The following RNF150 variants were observed in gnomAD, a reference collection of about 807,000 sequenced individuals.
The protein encoded by RNF150 is ring finger protein 150.
RNF150 carries 24 observed loss-of-function variants against 39.3 expected under a neutral mutation model. The ratio of observed to expected loss-of-function variants is 0.61; its 90% CI spans 0.44 to 0.86. The LOEUF is 0.86. Among genes scored for constraint, RNF150 ranks in the 40% least tolerant of loss-of-function variants. The pLI is 0.00. For missense variants in RNF150, 502 were observed against 587.8 expected (o/e 0.85, Z 1.51); for synonymous variants, 255 against 227.3 (o/e 1.12, Z -1.10).
chr4:140,896,694 A>AAG (rs1364473322), intron 6 of RNF150, among the ~76,000 whole-genome samples: 1 of 97,700 alleles, frequency 1.0e-5, no homozygotes. Flanking sequence ...TAATAAAAAA[A>AAG]AAAAAACAAA....
At chr4:140,983,184 C>A (rs1733914196) in intron 1 of RNF150, among the ~76,000 whole-genome samples, 2 of 152,164 alleles carry the variant, frequency 1.3e-5, no homozygotes, top group African/African-American at 2.4e-5. Context: ...GACAGATCCA[C>A]TCAGTACATA....
At chr4:141,106,274 T>C (rs1739192873) in intron 1 of RNF150, among the ~76,000 whole-genome samples, 1 of 152,204 alleles carries the variant, frequency 6.6e-6, no homozygotes, top group Admixed American at 6.5e-5. Context: ...ATTATAACCT[T>C]ATTGAAGAAA....
chr4:141,046,874 A>C (rs964878419), intron 1 of RNF150, among the ~76,000 whole-genome samples: 1 of 152,134 alleles, frequency 6.6e-6, no homozygotes, highest in Non-Finnish European at 1.5e-5. Flanking sequence ...CCTTCTTTGC[A>C]AGTACATTTT....
intron 1 of RNF150, among the ~76,000 whole-genome samples, chr4:141,118,050 G>A (rs1726484872): frequency 6.6e-6 from 1 of 152,158 alleles, no homozygotes; most frequent in South Asian, 2.1e-4. Flanking sequence ...CCCTCACAGT[G>A]GCTGCTGACA....
chr4:141,114,615 G>A (rs1348006279), intron 1 of RNF150, among the ~76,000 whole-genome samples: 2 of 152,072 alleles, frequency 1.3e-5, no homozygotes, highest in Non-Finnish European at 2.9e-5. Flanking sequence ...ACTATCGTAA[G>A]AAATAGAAAA....
At chr4:141,001,958 T>G (rs2111506743) in intron 1 of RNF150, among the ~76,000 whole-genome samples, 1 of 152,302 alleles carries the variant, frequency 6.6e-6, no homozygotes, top group South Asian at 2.1e-4. Flanking sequence ...ATTCACTCAC[T>G]TTTACTTTCA....
chr4:140,980,924 G>A (rs1733839526), intron 1 of RNF150, among the ~76,000 whole-genome samples: 1 of 152,098 alleles, frequency 6.6e-6, no homozygotes, highest in Non-Finnish European at 1.5e-5. Flanking sequence ...CCAATTTACT[G>A]TATAATTACC....
At chr4:141,067,216 T>C (rs1737495338) in intron 1 of RNF150, among the ~76,000 whole-genome samples, 1 of 152,236 alleles carries the variant, frequency 6.6e-6, no homozygotes. Context: ...AGATAATCTG[T>C]TGTTAGAAAA....
chr4:141,060,008 T>A (rs887514843), intron 1 of RNF150, among the ~76,000 whole-genome samples: 1 of 152,188 alleles, frequency 6.6e-6, no homozygotes, highest in African/African-American at 2.4e-5. Flanking sequence ...ATCTAGACTT[T>A]AAAAACATTT....
At chr4:140,975,526 C>A (rs867562607) in intron 1 of RNF150, among the ~76,000 whole-genome samples, 1 of 151,962 alleles carries the variant, frequency 6.6e-6, no homozygotes, top group African/African-American at 2.4e-5. Flanking sequence ...TAGAATCTTC[C>A]CTTAATATTT....
chr4:141,204,211 G>A (rs999311516), intron 1 of RNF150, among the ~76,000 whole-genome samples: 2 of 152,188 alleles, frequency 1.3e-5, no homozygotes, highest in African/African-American at 4.8e-5. Flanking sequence ...GATGTGATCA[G>A]AAGCAGGGAT....
Position 141,051,861 on chromosome 4 carries a change from G to A in RNF150, c.484+80464C>T, listed in dbSNP as rs554061073. 7.2e-5 allele frequency among the ~76,000 whole-genome samples: 11 copies of A among 152,196 alleles called. No individual in the cohort carries two copies. In the South Asian group the frequency reaches 8.3e-4, roughly 11 times the overall value. ...TGGGTATCTTTTCAGTAATGCCTTA[G>A]TCCCAGTCACAATTTATGGTATTAG... On this transcript the variant is annotated intron_variant, in intron 1 of 6. Coordinates refer to ENST00000515673, the MANE Select transcript of RNF150 (RefSeq NM_020724.2).
At chr4:140,986,043 C>T (rs997992812) in intron 1 of RNF150, among the ~76,000 whole-genome samples, 1 of 151,958 alleles carries the variant, frequency 6.6e-6, no homozygotes, top group Non-Finnish European at 1.5e-5. Flanking sequence ...AATATTGCAG[C>T]CAAGCTTAAA....
At chr4:141,086,434 A>G (rs1738369592) in intron 1 of RNF150, among the ~76,000 whole-genome samples, 2 of 152,058 alleles carry the variant, frequency 1.3e-5, no homozygotes. Context: ...ATCCCTATTA[A>G]TGCTTTTGCT....
At chr4:140,974,079 T>G (rs910315317) in intron 1 of RNF150, among the ~76,000 whole-genome samples, 6 of 152,162 alleles carry the variant, frequency 3.9e-5, no homozygotes, top group Non-Finnish European at 7.4e-5. Flanking sequence ...TAAATGTCTC[T>G]GTGTTTAATT....
At position 141,132,779 on chromosome 4, in the gene RNF150, G is replaced by A; in HGVS notation, c.30C>T (p.Cys10=). 6.2e-7 allele frequency: 1 copy of A among 1,610,000 alleles called. No individual in the cohort carries two copies. Among genetic ancestry groups the A allele is most frequent in the Non-Finnish European group, 8.5e-7 (1 of 1,178,294 alleles). ...GCAGCCATGTTGAGAGAGCCAGACT[G>A]CAGCACGCTTGGATGAGAGACATTG... is the stretch of plus-strand genomic sequence containing the variant. MAMSLIQAC[C]SLALSTWLLS... The change falls in exon 1 of 7, where the codon TGC becomes TGT. Residue 10 remains cysteine, a synonymous_variant. Coordinates refer to ENST00000515673, the MANE Select transcript of RNF150 (RefSeq NM_020724.2). The surrounding 1 kb of genome is among the most constrained non-coding windows in gnomAD (Gnocchi z 4.9).
chr4:141,014,215 C>T (rs185189024), intron 1 of RNF150, among the ~76,000 whole-genome samples: 2 of 152,230 alleles, frequency 1.3e-5, no homozygotes, highest in South Asian at 2.1e-4. Context: ...TACATATATG[C>T]AATATTTTCT....
intron 1 of RNF150, among the ~76,000 whole-genome samples, chr4:140,998,463 T>A (rs890789448): frequency 6.6e-6 from 1 of 152,170 alleles, no homozygotes; most frequent in Non-Finnish European, 1.5e-5. Context: ...GGAAACTTGA[T>A]CTTGGATCTC....
intron 1 of RNF150, among the ~76,000 whole-genome samples, chr4:141,160,207 C>CA (rs1727486533): frequency 6.6e-6 from 1 of 151,872 alleles, no homozygotes; most frequent in Non-Finnish European, 1.5e-5. Context: ...TTTTAACATA[C>CA]CATAAGATAA....
Sources: allele counts gnomAD v4.1 joint callset (sites outside exome capture counted in the v4.1 genomes callset), GRCh38; gene constraint gnomAD v4.1.1; non-coding constraint Gnocchi (gnomAD v3.1); transcripts MANE v1.5; gene names NCBI Gene and HGNC (gene_info 2026-07-23, HGNC 2026-07-21).